The following ASCC3 variants were observed in gnomAD, a reference collection of about 807,000 sequenced individuals.
ASCC3 encodes ASC-1 complex subunit P200.
A neutral mutation model predicts 256.3 loss-of-function variants in ASCC3; 158 were observed. That is an observed-to-expected ratio of 0.62 (90% CI 0.54 to 0.70). The LOEUF (loss-of-function observed/expected upper bound fraction) is 0.70, where lower values mean the gene tolerates loss of function less well. Among genes scored for constraint, ASCC3 ranks in the 30% least tolerant of loss-of-function variants. ASCC3 has a pLI of 0.00. For synonymous variants in ASCC3, 948 were observed against 883.4 expected, an observed-to-expected ratio of 1.07 and a Z score of -1.30; for missense variants, 2,259 against 2,626.0, an observed-to-expected ratio of 0.86 and a Z score of 3.05.
intron 13 of ASCC3, among the ~76,000 whole-genome samples, chr6:100,684,973 A>G (rs1777499134): frequency 6.6e-6 from 1 of 151,518 alleles, no homozygotes; most frequent in African/African-American, 2.4e-5. Flanking sequence ...CGCCCGGCTA[A>G]TTTTTTTGTA....
chr6:100,513,853 CAT>C (rs1214770550), intron 39 of ASCC3, among the ~76,000 whole-genome samples: 3 of 150,374 alleles, frequency 2.0e-5, no homozygotes, highest in Non-Finnish European at 4.4e-5. Context: ...CTTTTTCTAA[CAT>C]ATACACTTAT....
chr6:100,692,150 A>G (rs556898071), intron 13 of ASCC3, among the ~76,000 whole-genome samples: 1 of 152,208 alleles, frequency 6.6e-6, no homozygotes, highest in Admixed American at 6.5e-5. Context: ...AAACTGAACT[A>G]CTATTTACAT....
chr6:100,571,361 C>T (rs746874218), intron 36 of ASCC3, among the ~76,000 whole-genome samples: 4 of 152,130 alleles, frequency 2.6e-5, no homozygotes, highest in Admixed American at 6.5e-5. Flanking sequence ...TTAATAACAG[C>T]GTCCTCTAAT....
At chr6:100,734,913 A>G (rs1221127421) in intron 10 of ASCC3, among the ~76,000 whole-genome samples, 1 of 152,198 alleles carries the variant, frequency 6.6e-6, no homozygotes, top group Non-Finnish European at 1.5e-5. Context: ...TGTAGATAAT[A>G]TATCTCTATT....
chr6:100,733,400 G>A (rs1191857714), intron 10 of ASCC3, among the ~76,000 whole-genome samples: 1 of 151,978 alleles, frequency 6.6e-6, no homozygotes, highest in Non-Finnish European at 1.5e-5. Context: ...CCCTCCTTTG[G>A]GGGTGAGTGG....
At position 100,867,951 on chromosome 6, in the gene ASCC3, A is replaced by G; in HGVS notation, c.47T>C (p.Val16Ala). The G allele has an allele frequency of 6.2e-7, 1 of 1,613,832 alleles. No individual in the cohort carries two copies. Among genetic ancestry groups the G allele is most frequent in the Non-Finnish European group, 8.5e-7 (1 of 1,179,836 alleles). Residue 16 changes from valine to alanine, a missense_variant, in exon 2 of 42, where the codon GTC becomes GCC. Coordinates refer to ENST00000369162, the MANE Select transcript of ASCC3 (RefSeq NM_006828.4). ...TTCATTATAATTATCTTGCTTGGTG[A>G]CATTTGAAAAGGAACGCAAGGCTCC... The part of the protein sequence containing the change: ...LTGALRSFSN[V>A]TKQDNYNEEV...
chr6:100,672,449 AT>A, intron 14 of ASCC3, among the ~76,000 whole-genome samples: 1 of 152,174 alleles, frequency 6.6e-6, no homozygotes, highest in African/African-American at 2.4e-5. Flanking sequence ...CATTCTGCTA[AT>A]TAAAAGCATT....
At chr6:100,658,493 T>C (rs1369504124) in intron 16 of ASCC3, among the ~76,000 whole-genome samples, 2 of 151,478 alleles carry the variant, frequency 1.3e-5, no homozygotes, top group Non-Finnish European at 3.0e-5. Context: ...ATAAAAACTA[T>C]GCTACTATTC....
chr6:100,705,121 G>A (rs1778518812), intron 13 of ASCC3, among the ~76,000 whole-genome samples: 1 of 152,004 alleles, frequency 6.6e-6, no homozygotes, highest in Non-Finnish European at 1.5e-5. Context: ...GCCAACTTTT[G>A]ATTTCCCAAT....
chr6:100,788,505 C>T (rs117963314), intron 8 of ASCC3, among the ~76,000 whole-genome samples: 2,031 of 151,712 alleles, frequency 0.013, 20 homozygotes, highest in East Asian at 0.045. Flanking sequence ...AAATAAATAC[C>T]TGTACATGAA....
At chr6:100,747,251 T>G (rs1463227007) in intron 10 of ASCC3, among the ~76,000 whole-genome samples, 1 of 152,014 alleles carries the variant, frequency 6.6e-6, no homozygotes, top group Admixed American at 6.6e-5. Context: ...CAAAGAGTAC[T>G]CATACAAGTT....
intron 34 of ASCC3, among the ~76,000 whole-genome samples, chr6:100,598,887 A>T (rs1032115864): frequency 8.5e-5 from 13 of 152,220 alleles, no homozygotes; most frequent in African/African-American, 2.9e-4. Flanking sequence ...TGAAAGACAG[A>T]CTAAAAGCAG....
intron 30 of ASCC3, among the ~76,000 whole-genome samples, chr6:100,617,325 A>C (rs950909405): frequency 1.3e-5 from 2 of 151,852 alleles, no homozygotes; most frequent in African/African-American, 4.8e-5. Context: ...CTGAGCTTTC[A>C]ATCCATAGAC....
At chr6:100,584,488 G>C (rs1231814154) in intron 36 of ASCC3, among the ~76,000 whole-genome samples, 1 of 152,022 alleles carries the variant, frequency 6.6e-6, no homozygotes, top group Non-Finnish European at 1.5e-5. Context: ...GTCTCTGCAC[G>C]TGAGATGGGT....
chr6:100,848,588 G>A lies in ASCC3; in HGVS notation c.361C>T (p.Pro121Ser). Residue 121 changes from proline to serine, a missense_variant, in exon 4 of 42, where the codon CCC becomes TCC. Pro to Ser is a moderately conservative substitution (Grantham distance 74). Transcript: ENST00000369162. ...GCAGTGGCAGATGATGAAGGAAAGG[G>A]GCCAAACATCTGTTTGATAGCCTTT... ...ETKAIKQMFG[P>S]FPSSSATAAC... The A allele has an allele frequency of 6.2e-7, 1 of 1,614,064 alleles. No individual in the cohort carries two copies. Among genetic ancestry groups the A allele is most frequent in the Non-Finnish European group, 8.5e-7 (1 of 1,180,004 alleles).
At chr6:100,631,307 CAG>C (rs1464448735) in intron 25 of ASCC3, 94 bp from the exon 26 acceptor site, 1 of 933,252 alleles carries the variant, frequency 1.1e-6, no homozygotes, top group Non-Finnish European at 1.7e-6. Flanking sequence ...CAAAATATGA[CAG>C]TGTGGTTTGA....
At chr6:100,727,768 G>A (rs575682665) in intron 10 of ASCC3, among the ~76,000 whole-genome samples, 1 of 152,150 alleles carries the variant, frequency 6.6e-6, no homozygotes, top group South Asian at 2.1e-4. Context: ...TGTTATTAAC[G>A]TGGCTTCACA....
intron 36 of ASCC3, among the ~76,000 whole-genome samples, chr6:100,548,953 G>A (rs989299043): frequency 2.6e-5 from 4 of 151,838 alleles, no homozygotes; most frequent in African/African-American, 9.7e-5. Context: ...TAGAGTAAGA[G>A]ATGAACAACA....
chr6:100,675,436 C>T (rs952397947), intron 14 of ASCC3, among the ~76,000 whole-genome samples: 2 of 152,134 alleles, frequency 1.3e-5, no homozygotes, highest in Admixed American at 6.5e-5. Context: ...ATACTGACAC[C>T]GAAGCTGCTC....
Sources: allele counts gnomAD v4.1 joint callset (sites outside exome capture counted in the v4.1 genomes callset), GRCh38; gene constraint gnomAD v4.1.1; transcripts MANE v1.5; gene names NCBI Gene and HGNC (gene_info 2026-07-23, HGNC 2026-07-21).